Variants in AK8 observed in about 807,000 individuals in gnomAD.
The protein encoded by AK8 is ATP-AMP transphosphorylase 8.
Under a neutral mutation model 54.6 loss-of-function variants are expected in AK8, and 44 were observed. That is an observed-to-expected ratio of 0.81 (90% CI 0.63 to 1.04). The LOEUF is 1.04. Ranked by LOEUF, AK8 falls within the 50% of genes least tolerant of loss-of-function variation. AK8 has a pLI of 0.00. For synonymous variants in AK8, 239 were observed against 245.6 expected (o/e 0.97, Z 0.25); for missense variants, 555 against 613.6 (o/e 0.90, Z 1.01).
chr9:132,759,656 A>G (rs1838359756), intron 11 of AK8, among the ~76,000 whole-genome samples: 1 of 152,142 alleles, frequency 6.6e-6, no homozygotes, highest in South Asian at 2.1e-4. Context: ...TTTTTCCCAC[A>G]TGGGTACCCA....
intron 10 of AK8, among the ~76,000 whole-genome samples, chr9:132,800,439 G>A (rs968395259): frequency 5.9e-5 from 9 of 152,112 alleles, no homozygotes; most frequent in African/African-American, 1.9e-4. Context: ...TTGTTCCATC[G>A]GCCGCACCCT....
intron 11 of AK8, 125 bp from the exon 12 acceptor site, chr9:132,727,659 C>G: frequency 2.3e-6 from 2 of 885,002 alleles, no homozygotes; most frequent in Non-Finnish European, 3.5e-6. Flanking sequence ...TTCCTAGAGC[C>G]AGCAAGCAAT....
At chr9:132,838,058 C>T (rs931279161) in intron 5 of AK8, among the ~76,000 whole-genome samples, 1 of 152,200 alleles carries the variant, frequency 6.6e-6, no homozygotes, top group Non-Finnish European at 1.5e-5. Context: ...CAAGAAAATC[C>T]TGTGTTCCTA....
chr9:132,762,314 A>AT (rs1838516164), intron 11 of AK8, among the ~76,000 whole-genome samples: 1 of 152,060 alleles, frequency 6.6e-6, no homozygotes, highest in Non-Finnish European at 1.5e-5. Flanking sequence ...GAGTTTAGTA[A>AT]TTTTTTAACC....
chr9:132,878,691 T>C (rs370739400), upstream of AK8: 153 of 991,178 alleles, frequency 1.5e-4, 1 homozygote, highest in East Asian at 0.015. The surrounding 1 kb of genome is among the most constrained non-coding windows in gnomAD (Gnocchi z 4.7). Flanking sequence ...GGGAGGGTGT[T>C]TGAAGGGGGA....
intron 5 of AK8, among the ~76,000 whole-genome samples, chr9:132,839,191 G>A (rs533807412): frequency 5.3e-5 from 8 of 152,274 alleles, no homozygotes; most frequent in South Asian, 2.1e-4. Context: ...AGATCCACCC[G>A]CCTAGGCCTC....
Position 132,826,809 on chromosome 9 carries a change from G to A in AK8, c.757+45C>T, listed in dbSNP as rs748985406. 33 of 1,589,264 alleles carry A rather than the reference G, an allele frequency of 2.1e-5. 1 individual carries two copies. In the Admixed American group the frequency reaches 2.8e-4, roughly 14 times the overall value. ...AGTGGTAGAAGGCACAGCGAGCCCC[G>A]CCCTTGGCCGTCTGTCCAGGGTGGG... On this transcript the variant is annotated intron_variant, in intron 8 of 12. Transcript: ENST00000298545. The surrounding 1 kb of genome is among the most constrained non-coding windows in gnomAD (Gnocchi z 4.5).
intron 11 of AK8, among the ~76,000 whole-genome samples, chr9:132,737,445 A>G (rs1837174018): frequency 6.6e-6 from 1 of 152,210 alleles, no homozygotes. Flanking sequence ...CTACAGACCA[A>G]CATCCCTCAT....
Position 132,860,579 on chromosome 9 carries a change from A to G in AK8, c.333+3086T>C, listed in dbSNP as rs1473608500. ...GTGTCTCTCTAGAGGTGGGCATTCTACAGGACTAGACAGGGGAGCATGTTT... is the reference window on the plus strand; with the variant it reads ...GTGTCTCTCTAGAGGTGGGCATTCTGCAGGACTAGACAGGGGAGCATGTTT... On this transcript the variant is annotated intron_variant, in intron 4 of 12. Coordinates refer to ENST00000298545, the MANE Select transcript of AK8 (RefSeq NM_152572.3). This position sits in a 1 kb window ranked among gnomAD's most constrained non-coding sequence, Gnocchi z 4.4. Among the ~76,000 whole-genome samples the G allele has an allele frequency of 6.6e-6, 1 of 152,222 alleles. No homozygotes were observed. The highest frequency in any genetic ancestry group is 1.5e-5 in the Non-Finnish European group (1 of 68,038).
intron 5 of AK8, among the ~76,000 whole-genome samples, chr9:132,841,414 C>A (rs1367970077): frequency 1.3e-5 from 2 of 152,246 alleles, no homozygotes; most frequent in African/African-American, 2.4e-5. Flanking sequence ...TCCTTTGCCC[C>A]CTGCAGCGGC....
intron 11 of AK8, among the ~76,000 whole-genome samples, chr9:132,756,970 A>G (rs1454427863): frequency 3.3e-5 from 5 of 152,178 alleles, no homozygotes; most frequent in Admixed American, 6.5e-5. Flanking sequence ...TTATGTTCTC[A>G]AATGTTTATT....
intron 5 of AK8, among the ~76,000 whole-genome samples, chr9:132,831,619 C>T (rs1437740576): frequency 6.6e-6 from 1 of 152,252 alleles, no homozygotes; most frequent in Non-Finnish European, 1.5e-5. Flanking sequence ...CCCTCCCTCT[C>T]AGCCACTGGG....
chr9:132,799,682 A>G lies in AK8; in HGVS notation c.980-6907T>C, dbSNP rs1264370874. 6.6e-6 allele frequency among the ~76,000 whole-genome samples: 1 copy of G among 151,980 alleles called. No individual in the cohort carries two copies. Among genetic ancestry groups the G allele is most frequent in the African/African-American group, 2.4e-5 (1 of 41,362 alleles). On this transcript the variant is annotated intron_variant, in intron 10 of 12. Coordinates refer to ENST00000298545, the MANE Select transcript of AK8 (RefSeq NM_152572.3). This position sits in a 1 kb window ranked among gnomAD's most constrained non-coding sequence, Gnocchi z 5.0. ...ATACTGTATACCCACCTATCCACAC[A>G]TAGTACACGAAGCACACACCCTCAT...
chr9:132,812,563 C>CACTG (rs1564415180), intron 10 of AK8, among the ~76,000 whole-genome samples: 4 of 150,728 alleles, frequency 2.7e-5, no homozygotes, highest in Admixed American at 6.6e-5. Context: ...CCGCCGCGCC[C>CACTG]GGCCGCTAGG....
intron 10 of AK8, among the ~76,000 whole-genome samples, chr9:132,810,130 C>T (rs412111): frequency 0.36 from 54,561 of 152,044 alleles, 11,860 homozygotes; most frequent in South Asian, 0.57. Flanking sequence ...GTTATCCCTG[C>T]GAGATCAGGA....
At chr9:132,848,014 G>A (rs1442909300) in intron 5 of AK8, among the ~76,000 whole-genome samples, 1 of 151,650 alleles carries the variant, frequency 6.6e-6, no homozygotes, top group African/African-American at 2.4e-5. Flanking sequence ...TACTCAGGAA[G>A]CGGAGGTGGG....
rs985222742 is a variant in AK8, at chr9:132,791,744, C to T, written c.1121+890G>A. Among the ~76,000 whole-genome samples the T allele has an allele frequency of 1.3e-5, 2 of 152,180 alleles. No homozygotes were observed. Among genetic ancestry groups the T allele is most frequent in the African/African-American group, 4.8e-5 (2 of 41,434 alleles). ...CATATATAAAAAGAGAACTGGAACC[C>T]ACAACCTGCAGCAACCTGCCCGGGG... On this transcript the variant is annotated intron_variant, in intron 11 of 12. Transcript: ENST00000298545. This position sits in a 1 kb window ranked among gnomAD's most constrained non-coding sequence, Gnocchi z 4.0.
At chr9:132,854,540 G>A (rs1011422439) in intron 5 of AK8, among the ~76,000 whole-genome samples, 2 of 152,230 alleles carry the variant, frequency 1.3e-5, no homozygotes, top group Admixed American at 1.3e-4. Flanking sequence ...AGTCCCTGGC[G>A]CCTCACCATC....
upstream of AK8, chr9:132,878,404 C>A: frequency 8.1e-7 from 1 of 1,240,152 alleles, no homozygotes; most frequent in South Asian, 4.0e-5. The surrounding 1 kb of genome is among the most constrained non-coding windows in gnomAD (Gnocchi z 4.7). Context: ...GCCCCCGCCC[C>A]GACCTCCCCG....
Sources: allele counts gnomAD v4.1 joint callset (sites outside exome capture counted in the v4.1 genomes callset), GRCh38; gene constraint gnomAD v4.1.1; non-coding constraint Gnocchi (gnomAD v3.1); transcripts MANE v1.5; gene names NCBI Gene and HGNC (gene_info 2026-07-23, HGNC 2026-07-21).